Variants in DIS3L2 observed in about 807,000 individuals in gnomAD.
DIS3L2 encodes the protein DIS3-like exonuclease 2.
Under a neutral mutation model 97.5 loss-of-function variants are expected in DIS3L2, and 34 were observed. The observed-to-expected ratio is 0.35, with a 90% CI of 0.27 to 0.46. The LOEUF (loss-of-function observed/expected upper bound fraction) is 0.46, where lower values mean the gene tolerates loss of function less well. Ranked by LOEUF, DIS3L2 falls within the 20% of genes least tolerant of loss-of-function variation. DIS3L2 has a pLI of 1.00. For missense variants in DIS3L2, 1,038 were observed against 1,146.0 expected, an observed-to-expected ratio of 0.91 and a Z score of 1.36; for synonymous variants, 435 against 445.2, an observed-to-expected ratio of 0.98 and a Z score of 0.29.
At chr2:231,974,300 C>G (rs181149477) in intron 1 of DIS3L2, among the ~76,000 whole-genome samples, 46 of 152,210 alleles carry the variant, frequency 3.0e-4, no homozygotes, top group Admixed American at 1.2e-3. Flanking sequence ...GCAGGAGGCT[C>G]TAAGTAGTGG....
downstream of DIS3L2, chr2:232,340,606 G>C (rs11677242): frequency 8.8e-3 from 3,968 of 449,780 alleles, 59 homozygotes; most frequent in African/African-American, 0.047. Context: ...CCCAGGCAGC[G>C]CTCAGGGCAT....
chr2:232,329,791 C>T, intron 14 of DIS3L2, 22 bp from the exon 15 acceptor site: 10 of 334,000 alleles, frequency 3.0e-5, no homozygotes, highest in Non-Finnish European at 5.9e-5. Flanking sequence ...GCGGTCCCTC[C>T]CATCCCACCC....
In DIS3L2 at chr2:232,301,751, T is replaced by C. The variant is rs1270669726; in HGVS notation, c.1739+1632T>C. On this transcript the variant is annotated intron_variant, in intron 14 of 20. Coordinates refer to ENST00000325385, the MANE Select transcript of DIS3L2 (RefSeq NM_152383.5). ...GAGAAGGACACCAGCTCTCTGTCCT[T>C]TAAGTTTATGTCTTAGCTGTTCACA... 4.6e-5 allele frequency among the ~76,000 whole-genome samples: 7 copies of C among 152,176 alleles called. 1 individual carries two copies. The highest frequency in any genetic ancestry group is 1.0e-4 in the Non-Finnish European group (7 of 68,030).
At position 232,030,035 on chromosome 2, in the gene DIS3L2, T is replaced by C. The variant is rs1694762491; in HGVS notation, c.321T>C (p.Asn107=). Residue 107 remains asparagine (N), a synonymous_variant, in exon 5 of 21, where the codon AAT becomes AAC. Transcript: ENST00000325385. ...TTGTTGCTCGTAATAGAGCCTTAAA[T>C]GGGGATCTGGTGGTCGTGAAACTGC... is the stretch of plus-strand genomic sequence containing the variant. The part of the protein sequence containing the change: ...DGVVARNRAL[N]GDLVVVKLLP... The C allele has an allele frequency of 1.9e-6, 3 of 1,611,058 alleles. No homozygotes were observed. The highest frequency in any genetic ancestry group is 2.7e-5 in the African/African-American group (2 of 74,674).
In DIS3L2 at chr2:232,333,203, T is replaced by G. The variant is rs1269741987; in HGVS notation, c.2011-637T>G. Among the ~76,000 whole-genome samples, 16 of 70,454 alleles carry G rather than the reference T, an allele frequency of 2.3e-4. 1 individual carries two copies. Among genetic ancestry groups the G allele is most frequent in the African/African-American group, 1.6e-3 (15 of 9,492 alleles). 46.2% of individuals were successfully genotyped at this position (70,454 alleles called of 152,430 possible). ...CTCCTCCTCCTCCTCCTCCTCCTCC[T>G]CCTCCTCCTCCTCCTCCGCTGTCGC... On this transcript the variant is annotated intron_variant, in intron 16 of 20. Transcript: ENST00000325385.
At chr2:232,287,593 C>G (rs936161931) in intron 13 of DIS3L2, among the ~76,000 whole-genome samples, 5 of 152,006 alleles carry the variant, frequency 3.3e-5, no homozygotes, top group African/African-American at 1.2e-4. Context: ...AGGTCTCGCT[C>G]TGTTGCCCAG....
At chr2:232,099,666 T>C (rs1420551622) in intron 6 of DIS3L2, among the ~76,000 whole-genome samples, 2 of 152,240 alleles carry the variant, frequency 1.3e-5, no homozygotes, top group African/African-American at 4.8e-5. Flanking sequence ...AAAACAGGAA[T>C]GAACCCTTGA....
Position 232,121,576 on chromosome 2 carries a change from G to T in DIS3L2, c.602-9043G>T, listed in dbSNP as rs565163508. Among the ~76,000 whole-genome samples, 57 of 152,238 alleles carry T rather than the reference G, an allele frequency of 3.7e-4. 1 individual carries two copies. The highest frequency in any genetic ancestry group is 1.4e-3 in the Admixed American group (22 of 15,286). On this transcript the variant is annotated intron_variant, in intron 6 of 20. Transcript: ENST00000325385. ...ACTGAATTTATATCCTTTCTTGGTT[G>T]CACTGAAATACTCTTCCTGTGATGG...
intron 15 of DIS3L2, 64 bp downstream of exon 15, chr2:232,330,060 G>C (rs865901563): frequency 8.4e-6 from 13 of 1,543,654 alleles, no homozygotes; most frequent in Middle Eastern, 3.6e-4. Flanking sequence ...GACCTGGAAG[G>C]TGGGGTGGTC....
In DIS3L2 at chr2:232,024,600, C is replaced by T. The variant is rs977292545; in HGVS notation, c.264+270C>T. Among the ~76,000 whole-genome samples, 11 of 152,318 alleles carry T rather than the reference C, an allele frequency of 7.2e-5. No homozygotes were observed. In the East Asian group the frequency reaches 1.7e-3, roughly 24 times the overall value. On this transcript the variant is annotated intron_variant, in intron 4 of 20. Transcript: ENST00000325385. ...GACCCAGGCAGACTACCCACCAGTT[C>T]GTGTAACTGGACGCCCTTGGTTTAT...
Position 232,015,662 on chromosome 2 carries a change from A to G in DIS3L2, c.201A>G (p.Thr67=), listed in dbSNP as rs1336987205. 2 of 1,613,730 alleles carry G rather than the reference A, an allele frequency of 1.2e-6. No individual in the cohort carries two copies. The highest frequency in any genetic ancestry group is 1.7e-6 in the Non-Finnish European group (2 of 1,179,820). Reference sequence around the variant, plus strand: ...TTTCAGAAGGCTTGAAGAGAGGAACACTCATCCAGGTGCTTAAAATCTACT... The same window carrying G: ...TTTCAGAAGGCTTGAAGAGAGGAACGCTCATCCAGGTGCTTAAAATCTACT... ...EDVSEGLKRG[T]LIQGVLRINP... is the part of the protein sequence containing the mutation. Residue 67 remains threonine (T), a synonymous_variant, in exon 3 of 21, where the codon ACA becomes ACG. Transcript: ENST00000325385.
intron 5 of DIS3L2, among the ~76,000 whole-genome samples, chr2:232,070,413 GCTCT>G (rs1695980050): frequency 6.6e-6 from 1 of 152,060 alleles, no homozygotes; most frequent in Non-Finnish European, 1.5e-5. Context: ...ATTGCCTAAT[GCTCT>G]CTGTTTATTT....
At chr2:232,058,738 G>C (rs1282678986) in intron 5 of DIS3L2, among the ~76,000 whole-genome samples, 2 of 152,018 alleles carry the variant, frequency 1.3e-5, no homozygotes, top group Non-Finnish European at 2.9e-5. Flanking sequence ...ACTGGACTCT[G>C]TATATGTGTG....
In DIS3L2 at chr2:232,039,201, C is replaced by T. The variant is rs142314283; in HGVS notation, c.366+9121C>T. Among the ~76,000 whole-genome samples the T allele has an allele frequency of 1.5e-3, 225 of 152,236 alleles. 2 individuals carry two copies. The highest frequency in any genetic ancestry group is 5.1e-3 in the African/African-American group (212 of 41,540). ...TTCTGAAGTGGGGGAGTTCTGTTGT[C>T]CTTAGCCCACCTGTGATAGTTGTTG... is the stretch of plus-strand genomic sequence containing the variant. On this transcript the variant is annotated intron_variant, in intron 5 of 20. Coordinates refer to ENST00000325385, the MANE Select transcript of DIS3L2 (RefSeq NM_152383.5).
chr2:232,035,362 T>C (rs1694922008), intron 5 of DIS3L2, among the ~76,000 whole-genome samples: 1 of 152,230 alleles, frequency 6.6e-6, no homozygotes, highest in African/African-American at 2.4e-5. Context: ...TAAATATTCC[T>C]CCATCCCTTT....
chr2:232,241,946 A>C (rs1189516125), intron 11 of DIS3L2, among the ~76,000 whole-genome samples: 1 of 152,230 alleles, frequency 6.6e-6, no homozygotes, highest in Non-Finnish European at 1.5e-5. Context: ...TCGCCCATAA[A>C]TCTCTACGAT....
chr2:232,269,998 G>T lies in DIS3L2; in HGVS notation c.1659+6558G>T, dbSNP rs963494948. Among the ~76,000 whole-genome samples the T allele has an allele frequency of 1.3e-5, 2 of 152,146 alleles. No homozygotes were observed. The highest frequency in any genetic ancestry group is 2.1e-4 in the South Asian group (1 of 4,826). ...TGATGGACCGACCCAAGAGAGGGAAGAAAATCGACAAGCCTGTAGCAAATT... is the reference window on the plus strand; with the variant it reads ...TGATGGACCGACCCAAGAGAGGGAATAAAATCGACAAGCCTGTAGCAAATT... On this transcript the variant is annotated intron_variant, in intron 13 of 20. Transcript: ENST00000325385. This position sits in a 1 kb window ranked among gnomAD's most constrained non-coding sequence, Gnocchi z 4.5.
At chr2:232,169,656 C>G (rs1690926646) in intron 9 of DIS3L2, among the ~76,000 whole-genome samples, 1 of 152,160 alleles carries the variant, frequency 6.6e-6, no homozygotes, top group Non-Finnish European at 1.5e-5. Flanking sequence ...ACAGGGCTTG[C>G]AAGTCCTATG....
At chr2:232,277,794 C>G (rs1478815932) in intron 13 of DIS3L2, among the ~76,000 whole-genome samples, 1 of 152,166 alleles carries the variant, frequency 6.6e-6, no homozygotes, top group Non-Finnish European at 1.5e-5. Context: ...ATGGGATAGC[C>G]TACGACCCAC....
Sources: gnomAD v4.1 joint callset for allele counts (sites outside exome capture counted in the v4.1 genomes callset) on GRCh38, gnomAD v4.1.1 for gene constraint, Gnocchi (gnomAD v3.1) non-coding constraint, MANE v1.5 for transcripts, NCBI Gene and HGNC (gene_info 2026-07-23, HGNC 2026-07-21) for gene names.